The following SLC8A1 variants were observed in gnomAD, a reference collection of about 807,000 sequenced individuals.
The protein encoded by SLC8A1 is solute carrier family 8 member A1, also known as sodium/calcium exchanger 1.
In SLC8A1, 18 loss-of-function variants were observed where a neutral mutation model predicts 68.3. That is an observed-to-expected ratio of 0.26 (90% CI 0.18 to 0.39). The LOEUF (loss-of-function observed/expected upper bound fraction) is 0.39. Among genes scored for constraint, SLC8A1 ranks in the 10% least tolerant of loss-of-function variants. The pLI, the probability that SLC8A1 is intolerant of heterozygous loss-of-function variation, is 1.00. For synonymous variants in SLC8A1, 475 were observed against 415.5 expected (o/e 1.14, Z -1.74); for missense variants, 985 against 1,156.7 (o/e 0.85, Z 2.15).
At chr2:40,242,304 A>G (rs1400418248) in intron 2 of SLC8A1, among the ~76,000 whole-genome samples, 1 of 152,202 alleles carries the variant, frequency 6.6e-6, no homozygotes, top group East Asian at 1.9e-4. Context: ...ATTTTGGAAA[A>G]CAAACTAAAA....
intron 2 of SLC8A1, among the ~76,000 whole-genome samples, chr2:40,255,680 A>G (rs1471873635): frequency 6.6e-6 from 1 of 152,212 alleles, no homozygotes; most frequent in Non-Finnish European, 1.5e-5. Flanking sequence ...GTGCAGAATT[A>G]AGAGAATAAT....
chr2:40,271,866 AT>A (rs2066075337), intron 2 of SLC8A1, among the ~76,000 whole-genome samples: 1 of 151,706 alleles, frequency 6.6e-6, no homozygotes, highest in Non-Finnish European at 1.5e-5. Flanking sequence ...TTATTATTTT[AT>A]TTATTTATTT....
At chr2:40,474,990 T>C (rs1704191566) in intron 1 of SLC8A1, among the ~76,000 whole-genome samples, 1 of 152,204 alleles carries the variant, frequency 6.6e-6, no homozygotes, top group Non-Finnish European at 1.5e-5. Flanking sequence ...ACTAAAGTGA[T>C]CGAGGTTACT....
At chr2:40,211,917 A>G (rs1340136850) in intron 2 of SLC8A1, among the ~76,000 whole-genome samples, 1 of 152,274 alleles carries the variant, frequency 6.6e-6, no homozygotes, top group African/African-American at 2.4e-5. Flanking sequence ...AAGATGATGC[A>G]TGAATAAAAT....
intron 2 of SLC8A1, among the ~76,000 whole-genome samples, chr2:40,284,152 T>C (rs1055366961): frequency 6.6e-6 from 1 of 151,928 alleles, no homozygotes; most frequent in Admixed American, 6.6e-5. Flanking sequence ...AAGTGTGCTT[T>C]CTCTCTCTCT....
chr2:40,483,804 C>A (rs544474877), intron 1 of SLC8A1, among the ~76,000 whole-genome samples: 1 of 152,292 alleles, frequency 6.6e-6, no homozygotes, highest in African/African-American at 2.4e-5. Flanking sequence ...GAGCAGCCAT[C>A]ATGGTCCACG....
chr2:40,178,364 C>T (rs1182864595), intron 2 of SLC8A1, 23 bp downstream of exon 3: 9 of 1,595,330 alleles, frequency 5.6e-6, no homozygotes, highest in African/African-American at 1.3e-5. Context: ...CTGTTGGGCT[C>T]AGCCCTGGAG....
chr2:40,428,365 T>A (rs1697409442), intron 2 of SLC8A1, 108 bp downstream of exon 2: 1 of 1,413,606 alleles, frequency 7.1e-7, no homozygotes, highest in South Asian at 1.6e-5. Flanking sequence ...ATTCCATTCC[T>A]TGCATGCTAT....
intron 7 of SLC8A1, among the ~76,000 whole-genome samples, chr2:40,133,875 G>T (rs2039954634): frequency 6.6e-6 from 1 of 152,162 alleles, no homozygotes; most frequent in South Asian, 2.1e-4. Context: ...GCTTATCCAA[G>T]TAAATAACTG....
At chr2:40,371,178 C>A (rs1677916255) in intron 2 of SLC8A1, among the ~76,000 whole-genome samples, 1 of 152,096 alleles carries the variant, frequency 6.6e-6, no homozygotes, top group Admixed American at 6.6e-5. Context: ...TGTGTGCATT[C>A]ATTTCAGGTG....
At chr2:40,149,529 G>A (rs931133142) in intron 6 of SLC8A1, among the ~76,000 whole-genome samples, 3 of 152,162 alleles carry the variant, frequency 2.0e-5, no homozygotes, top group Non-Finnish European at 4.4e-5. Context: ...ATTCCATGCA[G>A]AGAAAATATC....
At chr2:40,291,122 A>G (rs1000386412) in intron 2 of SLC8A1, among the ~76,000 whole-genome samples, 5 of 152,174 alleles carry the variant, frequency 3.3e-5, no homozygotes, top group Admixed American at 3.3e-4. Context: ...GATGTAGGCG[A>G]CTTCTTTCAG....
At chr2:40,408,847 T>C (rs1391237836) in intron 2 of SLC8A1, among the ~76,000 whole-genome samples, 1 of 152,106 alleles carries the variant, frequency 6.6e-6, no homozygotes, top group Non-Finnish European at 1.5e-5. Context: ...TTGAGCACAT[T>C]TCAACTTAAG....
At chr2:40,190,446 A>C (rs776271127) in intron 2 of SLC8A1, 2 of 152,196 alleles carry the variant, frequency 1.3e-5, no homozygotes, top group Non-Finnish European at 1.5e-5. Flanking sequence ...TTATTCTGCC[A>C]TTATCCTAGT....
intron 1 of SLC8A1, among the ~76,000 whole-genome samples, chr2:40,489,076 C>G (rs1321395662): frequency 6.6e-6 from 1 of 152,118 alleles, no homozygotes; most frequent in African/African-American, 2.4e-5. Flanking sequence ...GCATTAACTA[C>G]TTTACCAACA....
chr2:40,222,992 A>T (rs1291839447), intron 2 of SLC8A1, among the ~76,000 whole-genome samples: 1 of 152,196 alleles, frequency 6.6e-6, no homozygotes, highest in African/African-American at 2.4e-5. Context: ...TAGAAATGTC[A>T]TTTGACCTAG....
At chr2:40,220,187 G>C (rs943708305) in intron 2 of SLC8A1, 9 of 150,330 alleles carry the variant, frequency 6.0e-5, no homozygotes, top group African/African-American at 2.2e-4. Context: ...AAGAGAAAGA[G>C]ACAAAGGAAA....
At chr2:40,164,825 C>G (rs777862048) in intron 5 of SLC8A1, 29 bp downstream of exon 8, 24 of 1,612,080 alleles carry the variant, frequency 1.5e-5, no homozygotes, top group Non-Finnish European at 2.0e-5. Flanking sequence ...GTGAGACTGG[C>G]TCCTGGTGGG....
intron 2 of SLC8A1, among the ~76,000 whole-genome samples, chr2:40,315,871 T>C (rs1290772003): frequency 6.6e-6 from 1 of 152,058 alleles, no homozygotes; most frequent in East Asian, 1.9e-4. Flanking sequence ...CAAAAGCTTC[T>C]TGCAATGAGA....
Sources: allele counts gnomAD v4.1 joint callset (sites outside exome capture counted in the v4.1 genomes callset), GRCh38; gene constraint gnomAD v4.1.1; transcripts MANE v1.5; gene names NCBI Gene and HGNC (gene_info 2026-07-23, HGNC 2026-07-21).